TKT: variants seen among roughly 807,000 people sequenced by gnomAD.
TKT encodes transketolase.
In TKT, 47 loss-of-function variants were observed where a neutral mutation model predicts 63.9. The observed-to-expected ratio is 0.74, with a 90% CI of 0.58 to 0.94. TKT has a LOEUF of 0.94. TKT is among the 40% of genes least tolerant of loss of function. The probability of loss-of-function intolerance (pLI) is 0.00; values close to 1 mark genes in which losing one functional copy is unlikely to be tolerated. For missense variants in TKT, 721 were observed against 846.2 expected (o/e 0.85, Z 1.84); for synonymous variants, 338 against 334.1 (o/e 1.01, Z -0.13).
rs782039233 is a variant in TKT, at chr3:53,225,775, C to A, written c.1853G>T (p.Gly618Val). The change falls in exon 14 of 14, where the codon GGC (glycine) becomes GTC (valine). Residue 618 changes from glycine to valine, a missense_variant. By Grantham distance (109) the Gly-to-Val change is moderately radical. Coordinates refer to ENST00000462138, the MANE Select transcript of TKT (RefSeq NM_001064.4). ...CCCGCCCTAGGCCTTGGTGATGAGGCCCCTCACAGCTTGTGCAATGGCATC... is the reference window on the plus strand; with the variant it reads ...CCCGCCCTAGGCCTTGGTGATGAGGACCCTCACAGCTTGTGCAATGGCATC... ...DRDAIAQAVR[G>V]LITKA is the part of the protein sequence containing the mutation. 6.2e-6 allele frequency: 10 copies of A among 1,613,076 alleles called. No individual in the cohort carries two copies. Among genetic ancestry groups the A allele is most frequent in the Admixed American group, 1.7e-5 (1 of 59,946 alleles).
intron 1 of TKT, among the ~76,000 whole-genome samples, chr3:53,247,422 G>A (rs1424772341): frequency 6.7e-6 from 1 of 150,134 alleles, no homozygotes; most frequent in Non-Finnish European, 1.5e-5. Flanking sequence ...GGCACCTGAG[G>A]TCAGGAGTTC....
chr3:53,228,891 G>A (rs1430917688), intron 10 of TKT, 116 bp downstream of exon 10: 2 of 1,438,050 alleles, frequency 1.4e-6, no homozygotes, highest in African/African-American at 2.8e-5. Flanking sequence ...ACGAACACCA[G>A]GGGCAAGGTC....
rs200813612 is a variant in TKT at position 53,225,772 on chromosome 3, A to G, written c.1856T>C (p.Leu619Pro). Residue 619 changes from leucine to proline, a missense_variant, in exon 14 of 14, where the codon CTC (leucine) becomes CCC (proline). Leu to Pro is a moderately conservative substitution (Grantham distance 98). Coordinates refer to ENST00000462138, the MANE Select transcript of TKT (RefSeq NM_001064.4). Reference sequence around the variant, plus strand: ...ATACCCGCCCTAGGCCTTGGTGATGAGGCCCCTCACAGCTTGTGCAATGGC... The same window carrying G: ...ATACCCGCCCTAGGCCTTGGTGATGGGGCCCCTCACAGCTTGTGCAATGGC... ...RDAIAQAVRG[L>P]ITKA is the part of the protein sequence containing the mutation. The G allele has an allele frequency of 2.9e-4, 469 of 1,612,982 alleles. 4 individuals carry two copies. In the East Asian group the frequency reaches 0.01, roughly 35 times the overall value.
Position 53,240,301 on chromosome 3 carries a change from G to T in TKT, c.387C>A (p.Leu129=), listed in dbSNP as rs782313271. The T allele has an allele frequency of 6.2e-7, 1 of 1,613,278 alleles. No homozygotes were observed. Among genetic ancestry groups the T allele is most frequent in the African/African-American group, 1.3e-5 (1 of 75,048 alleles). ...DVATGSLGQG[L]GAACGMAYTG... is the part of the protein sequence containing the mutation. ...TGTAGGCCATCCCACAAGCGGCCCC[G>T]AGGCCCTGGCCCAGGGAGCCAGTGG... The change falls in exon 4 of 14, where the codon CTC becomes CTA. Residue 129 remains leucine, a synonymous_variant. Coordinates refer to ENST00000462138, the MANE Select transcript of TKT (RefSeq NM_001064.4).
At chr3:53,252,091 G>A (rs957786718) in intron 1 of TKT, among the ~76,000 whole-genome samples, 79 of 152,362 alleles carry the variant, frequency 5.2e-4, no homozygotes, top group African/African-American at 1.8e-3. Flanking sequence ...GGTGAGCCAA[G>A]ATCGCACCAT....
chr3:53,255,794 G>A (rs1043501935), intron 1 of TKT, 42 bp downstream of exon 1: 2 of 1,354,742 alleles, frequency 1.5e-6, no homozygotes, highest in Middle Eastern at 2.6e-4. Flanking sequence ...GACGCCCCCC[G>A]CCCCGCCCGA....
At chr3:53,255,212 C>G (rs904871290) in intron 1 of TKT, among the ~76,000 whole-genome samples, 3 of 152,230 alleles carry the variant, frequency 2.0e-5, no homozygotes, top group South Asian at 2.1e-4. Context: ...GGACCCAACC[C>G]AGGGGTGGCA....
intron 1 of TKT, among the ~76,000 whole-genome samples, chr3:53,252,604 C>T (rs769462799): frequency 3.4e-4 from 52 of 152,136 alleles, no homozygotes; most frequent in Non-Finnish European, 5.7e-4. Context: ...GTGTAACTCT[C>T]GGACACCACA....
At chr3:53,246,765 C>T (rs1461161212) in intron 1 of TKT, among the ~76,000 whole-genome samples, 6 of 151,460 alleles carry the variant, frequency 4.0e-5, no homozygotes, top group South Asian at 2.1e-4. Flanking sequence ...ACAGGAGAAT[C>T]GTTTGAACCC....
At chr3:53,250,829 T>C (rs782685493) in intron 1 of TKT, among the ~76,000 whole-genome samples, 1 of 152,144 alleles carries the variant, frequency 6.6e-6, no homozygotes, top group Non-Finnish European at 1.5e-5. Flanking sequence ...TTGCCCAGGC[T>C]GGAGTGCAGA....
In TKT at chr3:53,255,959, A is replaced by T; in HGVS notation, c.-17T>A. 1 of 1,490,810 alleles carries T rather than the reference A, an allele frequency of 6.7e-7. No individual in the cohort carries two copies. Among genetic ancestry groups the T allele is most frequent in the Non-Finnish European group, 9.0e-7 (1 of 1,111,184 alleles). 92.3% of individuals were successfully genotyped at this position (1,490,810 alleles called of 1,614,324 possible). On this transcript the variant is annotated 5_prime_UTR_variant, in exon 1 of 14. Transcript: ENST00000462138. ...GCTCTCCATGGTGCGGCAGGCGGGG[A>T]CCGGGCGCACACGCGGACACACAGA...
chr3:53,241,003 C>G (rs1232778670), intron 3 of TKT, 129 bp downstream of exon 3: 8 of 756,220 alleles, frequency 1.1e-5, no homozygotes, highest in Non-Finnish European at 1.2e-5. Context: ...TTTCCTTCCT[C>G]AACTCAATGC....
rs575596160 is a variant in TKT at position 53,230,818 on chromosome 3, C to T, written c.943-197G>A. On this transcript the variant is annotated intron_variant, in intron 7 of 13. Transcript: ENST00000462138. ...AATGTCTTGGGAGCCCCTGGAGCCC[C>T]GGCCCCTTCTGGCTGTGAAAGGTAT... 8.9e-3 allele frequency among the ~76,000 whole-genome samples: 89 copies of T among 10,030 alleles called. No homozygotes were observed. The East Asian group carries it at 0.25, about 28-fold the overall frequency. 6.6% of individuals were successfully genotyped at this position (10,030 alleles called of 152,430 possible).
chr3:53,233,881 A>G (rs559932619), intron 5 of TKT: 2 of 152,378 alleles, frequency 1.3e-5, no homozygotes, highest in Admixed American at 6.5e-5. Context: ...AGCCCACTGA[A>G]GCCTCACCAC....
intron 7 of TKT, 40 bp downstream of exon 7, chr3:53,231,317 T>C (rs1553676941): frequency 1.2e-6 from 2 of 1,604,194 alleles, no homozygotes; most frequent in Non-Finnish European, 1.7e-6. Context: ...TTGGGAAACC[T>C]GAGAACTATG....
intron 8 of TKT, among the ~76,000 whole-genome samples, chr3:53,230,009 C>T (rs1228589145): frequency 6.6e-6 from 1 of 152,176 alleles, no homozygotes; most frequent in Non-Finnish European, 1.5e-5. Context: ...TCTGCTTCCC[C>T]AAATGGGTAC....
At chr3:53,243,952 C>T (rs1414499419) in intron 1 of TKT, among the ~76,000 whole-genome samples, 1 of 152,156 alleles carries the variant, frequency 6.6e-6, no homozygotes, top group Non-Finnish European at 1.5e-5. Flanking sequence ...CCATCCACCT[C>T]GACACCCCGG....
chr3:53,236,311 G>A (rs1208751096), intron 4 of TKT, among the ~76,000 whole-genome samples: 2 of 152,212 alleles, frequency 1.3e-5, no homozygotes, highest in Non-Finnish European at 2.9e-5. Context: ...GGGGCAGCAG[G>A]AAGAGGCTGG....
chr3:53,252,363 CT>C (rs1210937346), intron 1 of TKT, among the ~76,000 whole-genome samples: 1 of 152,212 alleles, frequency 6.6e-6, no homozygotes, highest in Admixed American at 6.5e-5. Flanking sequence ...CCTTGATTAG[CT>C]TTTGGGTGCA....
Sources: gnomAD v4.1 joint callset for allele counts (sites outside exome capture counted in the v4.1 genomes callset) on GRCh38, gnomAD v4.1.1 for gene constraint, MANE v1.5 for transcripts, NCBI Gene and HGNC (gene_info 2026-07-23, HGNC 2026-07-21) for gene names.